EML4: variants seen among roughly 807,000 people sequenced by gnomAD.
The protein encoded by EML4 is echinoderm microtubule-associated protein-like 4.
Under a neutral mutation model 129.0 loss-of-function variants are expected in EML4, and 72 were observed. The ratio of observed to expected loss-of-function variants is 0.56; its 90% confidence interval spans 0.46 to 0.68. The LOEUF is 0.68. EML4 is among the 30% of genes least tolerant of loss of function. The pLI is 0.00. For synonymous variants in EML4, 532 were observed against 405.0 expected (o/e 1.31, Z -3.77); for missense variants, 1,363 against 1,190.6 (o/e 1.14, Z -2.13).
At chr2:42,226,138 C>G (rs935391349) in intron 1 of EML4, among the ~76,000 whole-genome samples, 1 of 151,910 alleles carries the variant, frequency 6.6e-6, no homozygotes, top group African/African-American at 2.4e-5. Context: ...AAATAGTTAC[C>G]AGTCTTTTCT....
intron 2 of EML4, among the ~76,000 whole-genome samples, chr2:42,256,045 G>C (rs760226874): frequency 2.0e-5 from 3 of 152,126 alleles, no homozygotes; most frequent in Non-Finnish European, 4.4e-5. Context: ...TAAGTTAAAG[G>C]AGAGGTTAAC....
At chr2:42,288,560 C>G in intron 11 of EML4, 1 of 241,638 alleles carries the variant, frequency 4.1e-6, no homozygotes, top group Non-Finnish European at 8.0e-6. Flanking sequence ...TACTATAGTC[C>G]TGAAATGCCA....
chr2:42,265,381 A>C (rs1665999953), intron 6 of EML4, among the ~76,000 whole-genome samples: 1 of 152,110 alleles, frequency 6.6e-6, no homozygotes, highest in Admixed American at 6.5e-5. Context: ...CAGGGATTAC[A>C]CGCATGAGCC....
chr2:42,230,562 A>G (rs1354193499), intron 1 of EML4, among the ~76,000 whole-genome samples: 4 of 152,198 alleles, frequency 2.6e-5, no homozygotes, highest in Non-Finnish European at 5.9e-5. Context: ...GTGTGCCACC[A>G]TCCCCAGCTA....
intron 1 of EML4, among the ~76,000 whole-genome samples, chr2:42,187,227 T>A (rs1161470840): frequency 6.6e-6 from 1 of 151,892 alleles, no homozygotes; most frequent in African/African-American, 2.4e-5. Context: ...TTTTTAATTT[T>A]TTGTAGAAAT....
At chr2:42,216,463 G>C (rs1214190297) in intron 1 of EML4, among the ~76,000 whole-genome samples, 1 of 151,182 alleles carries the variant, frequency 6.6e-6, no homozygotes, top group Non-Finnish European at 1.5e-5. Context: ...GGCTGGTCTT[G>C]AACTCCTGAC....
intron 16 of EML4, among the ~76,000 whole-genome samples, chr2:42,303,874 G>A (rs1215702529): frequency 3.3e-5 from 5 of 152,196 alleles, no homozygotes; most frequent in Non-Finnish European, 7.3e-5. Context: ...GCAGTGAGCC[G>A]AGATCGTGCC....
chr2:42,310,822 C>T (rs1028649912), intron 17 of EML4, among the ~76,000 whole-genome samples: 7 of 152,156 alleles, frequency 4.6e-5, no homozygotes, highest in African/African-American at 1.4e-4. Flanking sequence ...TAGAAAATCC[C>T]CTTGGCTAGA....
Position 42,301,342 on chromosome 2 carries a change from A to C in EML4, c.1591A>C (p.Arg531=), listed in dbSNP as rs767297139. The change falls in exon 14 of 23, where the codon AGA becomes CGA. Residue 531 remains arginine (R), a synonymous_variant. Coordinates refer to ENST00000318522, the MANE Select transcript of EML4 (RefSeq NM_019063.5). ...GTTATTAACTGGAGGAGGGAAAGAC[A>C]GAAAAATAATTCTGTGGGATCATGA... ...GMLLTGGGKD[R]KIILWDHDLN... 9.3e-6 allele frequency: 15 copies of C among 1,613,372 alleles called. No individual in the cohort carries two copies. Among genetic ancestry groups the C allele is most frequent in the Non-Finnish European group, 1.3e-5 (15 of 1,179,686 alleles).
intron 1 of EML4, among the ~76,000 whole-genome samples, chr2:42,189,116 C>T (rs961442287): frequency 6.6e-6 from 1 of 152,120 alleles, no homozygotes; most frequent in Non-Finnish European, 1.5e-5. Flanking sequence ...GTCCTCCCTA[C>T]TCGGCCTCCC....
chr2:42,264,979 C>T (rs2104400353), intron 6 of EML4: 1 of 1,540,202 alleles, frequency 6.5e-7, no homozygotes. Flanking sequence ...AGTTGGTTGC[C>T]TTCTAAGTGA....
chr2:42,316,103 C>G lies in EML4; in HGVS notation c.2056+53C>G, dbSNP rs908592604. ...GCATGGCATTCACAGCACTTCACTG[C>G]AATTGCATAGTTTTACTTCTAATAA... On this transcript the variant is annotated intron_variant, in intron 18 of 22. Transcript: ENST00000318522. 119 of 1,223,358 alleles carry G rather than the reference C, an allele frequency of 9.7e-5. 2 individuals are homozygous for G. The South Asian group carries it at 1.5e-3, about 15-fold the overall frequency. The allele number at this position is 1,223,358 out of a possible 1,614,324, so 75.8% of individuals were successfully genotyped here. A position where few individuals can be genotyped will look rare whatever the true frequency, so the allele number is the denominator to read the frequency against.
In EML4 at chr2:42,325,602, TTATATATA is replaced by T. The variant is rs10530482; in HGVS notation, c.2242+78_2242+85del. 782 of 129,290 alleles carry T rather than the reference TTATATATA, an allele frequency of 6.0e-3. 19 individuals are homozygous for T. The highest frequency in any genetic ancestry group is 7.4e-3 in the Non-Finnish European group (459 of 61,976). 8.0% of individuals were successfully genotyped at this position (129,290 alleles called of 1,614,324 possible). Reference sequence around the variant, plus strand: ...ATATATATATATGCTATGATTATATTTATATATATATATATATATATATATATATATAT... The same window carrying T: ...ATATATATATATGCTATGATTATATTTATATATATATATATATATATATAT... On this transcript the variant is annotated intron_variant, in intron 20 of 22. Coordinates refer to ENST00000318522, the MANE Select transcript of EML4 (RefSeq NM_019063.5).
chr2:42,303,414 G>T lies in EML4; in HGVS notation c.1867G>T (p.Glu623Ter). Residue 623 changes from glutamate to a stop codon, truncating the protein, a stop_gained, in exon 16 of 23, where the codon GAA (glutamate) becomes TAA (stop). Coordinates refer to ENST00000318522, the MANE Select transcript of EML4 (RefSeq NM_019063.5). LOFTEE classifies it high-confidence loss of function. ...DRQVCLWNSM[E>*]HRLEWTRLVD... Reference sequence around the variant, plus strand: ...GCAGGTGTGCCTGTGGAACTCAATGGAACACAGGCTGGAATGGACCAGGCT... The same window carrying T: ...GCAGGTGTGCCTGTGGAACTCAATGTAACACAGGCTGGAATGGACCAGGCT... 3 of 1,614,044 alleles carry T rather than the reference G, an allele frequency of 1.9e-6. No homozygotes were observed. The South Asian group carries it at 3.3e-5, about 18-fold the overall frequency.
chr2:42,260,373 G>T (rs917444333), intron 3 of EML4, among the ~76,000 whole-genome samples: 6 of 152,052 alleles, frequency 3.9e-5, no homozygotes, highest in African/African-American at 9.6e-5. Context: ...TCACCATGTT[G>T]CCTGGGCTGG....
chr2:42,275,901 T>C (rs1666631575), intron 6 of EML4, among the ~76,000 whole-genome samples: 1 of 152,242 alleles, frequency 6.6e-6, no homozygotes, highest in Admixed American at 6.5e-5. Flanking sequence ...GTATTGTTAC[T>C]GATCTCGTAT....
intron 1 of EML4, among the ~76,000 whole-genome samples, chr2:42,209,663 C>T (rs941743091): frequency 5.9e-5 from 9 of 152,328 alleles, no homozygotes; most frequent in African/African-American, 2.2e-4. Flanking sequence ...GACACGGTGG[C>T]TCACGCCTGC....
intron 19 of EML4, 109 bp from the exon 20 acceptor site, chr2:42,325,358 T>C: frequency 1.6e-6 from 1 of 606,630 alleles, no homozygotes; most frequent in Non-Finnish European, 3.2e-6. Flanking sequence ...CTTCCTCTCC[T>C]TTAGAAATTC....
chr2:42,189,073 C>A (rs899395755), intron 1 of EML4, among the ~76,000 whole-genome samples: 1 of 152,074 alleles, frequency 6.6e-6, no homozygotes, highest in African/African-American at 2.4e-5. Context: ...CACTTTGTTG[C>A]CTAGGCTGGT....
Sources: allele counts gnomAD v4.1 joint callset (sites outside exome capture counted in the v4.1 genomes callset), GRCh38; gene constraint gnomAD v4.1.1; transcripts MANE v1.5; gene names NCBI Gene and HGNC (gene_info 2026-07-23, HGNC 2026-07-21).